The following SPOCK3 variants were observed in gnomAD, a reference collection of about 807,000 sequenced individuals.
SPOCK3 encodes testican-3.
A neutral mutation model predicts 56.6 loss-of-function variants in SPOCK3; 30 were observed. The ratio of observed to expected loss-of-function variants is 0.53; its 90% confidence interval spans 0.40 to 0.72. SPOCK3 has a LOEUF of 0.72. Ranked by LOEUF, SPOCK3 falls within the 30% of genes least tolerant of loss-of-function variation. The pLI, the probability that SPOCK3 is intolerant of heterozygous loss-of-function variation, is 0.00. For synonymous variants in SPOCK3, 196 were observed against 183.3 expected (o/e 1.07, Z -0.56); for missense variants, 527 against 530.0 (o/e 0.99, Z 0.06).
At chr4:166,788,436 C>T (rs1042469655) in intron 7 of SPOCK3, among the ~76,000 whole-genome samples, 1 of 152,004 alleles carries the variant, frequency 6.6e-6, no homozygotes, top group Admixed American at 6.6e-5. Context: ...AACACAAAAG[C>T]ATGCTTTGTA....
intron 6 of SPOCK3, among the ~76,000 whole-genome samples, chr4:166,816,293 T>C (rs1306974094): frequency 5.3e-5 from 8 of 152,100 alleles, no homozygotes; most frequent in African/African-American, 1.9e-4. Flanking sequence ...ATTTCAACTG[T>C]GTATATGTAT....
chr4:167,054,724 C>T (rs564688254), intron 3 of SPOCK3, among the ~76,000 whole-genome samples: 1 of 151,952 alleles, frequency 6.6e-6, no homozygotes, highest in Non-Finnish European at 1.5e-5. Context: ...CATAAAGAAA[C>T]TGGAAAAATG....
At chr4:166,807,639 G>T (rs1318726061) in intron 6 of SPOCK3, among the ~76,000 whole-genome samples, 1 of 152,064 alleles carries the variant, frequency 6.6e-6, no homozygotes, top group Non-Finnish European at 1.5e-5. Flanking sequence ...GATTAAACTC[G>T]TTTCTGCCAG....
At chr4:166,822,885 A>G (rs1174448657) in intron 6 of SPOCK3, among the ~76,000 whole-genome samples, 1 of 152,098 alleles carries the variant, frequency 6.6e-6, no homozygotes, top group Non-Finnish European at 1.5e-5. Context: ...TCTTTTAAAA[A>G]GTGAGAGAAG....
chr4:166,803,727 C>G (rs1408637878), intron 6 of SPOCK3, among the ~76,000 whole-genome samples: 1 of 152,080 alleles, frequency 6.6e-6, no homozygotes, highest in Non-Finnish European at 1.5e-5. Context: ...GAACATGACA[C>G]TAAAACTTAA....
At chr4:167,205,487 A>C (rs1734140626) in intron 2 of SPOCK3, among the ~76,000 whole-genome samples, 1 of 55,830 alleles carries the variant, frequency 1.8e-5, no homozygotes, top group Non-Finnish European at 3.0e-5. Context: ...TATATAATAT[A>C]TAATATATAA....
At chr4:166,889,645 T>C (rs1419958930) in intron 5 of SPOCK3, among the ~76,000 whole-genome samples, 3 of 151,992 alleles carry the variant, frequency 2.0e-5, no homozygotes, top group African/African-American at 7.2e-5. Flanking sequence ...AGTAAGCATG[T>C]CTTCTCTTAC....
At chr4:166,764,753 A>G (rs1243811298) in intron 7 of SPOCK3, among the ~76,000 whole-genome samples, 4 of 152,096 alleles carry the variant, frequency 2.6e-5, no homozygotes, top group African/African-American at 9.7e-5. Flanking sequence ...TATGTCTTTG[A>G]GGAATCACCA....
intron 2 of SPOCK3, among the ~76,000 whole-genome samples, chr4:167,096,871 A>G (rs991948740): frequency 3.3e-5 from 5 of 151,894 alleles, no homozygotes; most frequent in African/African-American, 9.7e-5. Flanking sequence ...ATCTTCAACT[A>G]TAGTAATGGA....
intron 7 of SPOCK3, among the ~76,000 whole-genome samples, chr4:166,765,437 A>G (rs1359453809): frequency 6.6e-6 from 1 of 152,204 alleles, no homozygotes; most frequent in African/African-American, 2.4e-5. Context: ...CATTTATTAA[A>G]AAGGGAATCC....
intron 6 of SPOCK3, among the ~76,000 whole-genome samples, chr4:166,823,441 C>T (rs962291105): frequency 1.3e-5 from 2 of 152,006 alleles, no homozygotes; most frequent in Non-Finnish European, 1.5e-5. Context: ...TGTGAAGTTG[C>T]TGAGATTTAG....
intron 3 of SPOCK3, among the ~76,000 whole-genome samples, chr4:167,056,606 T>C (rs1035402347): frequency 2.1e-4 from 32 of 152,210 alleles, no homozygotes; most frequent in African/African-American, 7.7e-4. Context: ...CTGATGGAGC[T>C]GAAAGCCAAG....
intron 2 of SPOCK3, among the ~76,000 whole-genome samples, chr4:167,194,368 T>A (rs184191977): frequency 6.6e-6 from 1 of 152,194 alleles, no homozygotes; most frequent in Non-Finnish European, 1.5e-5. Context: ...CTCATTGAGA[T>A]GAAAGATTCT....
intron 2 of SPOCK3, among the ~76,000 whole-genome samples, chr4:167,134,271 G>T (rs184067667): frequency 6.6e-6 from 1 of 151,748 alleles, no homozygotes; most frequent in East Asian, 1.9e-4. Context: ...GACTACAGGC[G>T]ATCTGCCTGC....
intron 5 of SPOCK3, among the ~76,000 whole-genome samples, chr4:166,895,844 G>C (rs10014713): frequency 0.085 from 12,920 of 152,104 alleles, 601 homozygotes; most frequent in Non-Finnish European, 0.1. Context: ...ATTTAGCTTT[G>C]GCACAATTAT....
chr4:167,177,205 T>C (rs539153608), intron 2 of SPOCK3, among the ~76,000 whole-genome samples: 2 of 151,844 alleles, frequency 1.3e-5, no homozygotes, highest in Non-Finnish European at 2.9e-5. Flanking sequence ...AGGGGTATGG[T>C]AGAGGATGGC....
At chr4:167,054,494 T>C (rs796342154) in intron 3 of SPOCK3, among the ~76,000 whole-genome samples, 4 of 152,320 alleles carry the variant, frequency 2.6e-5, no homozygotes, top group African/African-American at 9.6e-5. Flanking sequence ...AAAACAATTT[T>C]TCAGGTAATT....
Position 166,915,682 on chromosome 4 carries a change from G to T in SPOCK3, c.351-2939C>A, listed in dbSNP as rs1032617651. Reference sequence around the variant, plus strand: ...ACATGATTAGGGAAAGGTGTATTTGGCTCAGGCTATGAGAATGGTTGCCTG... The same window carrying T: ...ACATGATTAGGGAAAGGTGTATTTGTCTCAGGCTATGAGAATGGTTGCCTG... On this transcript the variant is annotated intron_variant, in intron 4 of 10. Transcript: ENST00000357545. Among the ~76,000 whole-genome samples the T allele has an allele frequency of 1.3e-5, 2 of 152,048 alleles. 1 individual carries two copies. The highest frequency in any genetic ancestry group is 2.9e-5 in the Non-Finnish European group (2 of 68,014).
chr4:166,804,406 C>T (rs1742937172), intron 6 of SPOCK3, among the ~76,000 whole-genome samples: 1 of 152,018 alleles, frequency 6.6e-6, no homozygotes, highest in African/African-American at 2.4e-5. Context: ...TCCTAAAGGT[C>T]CTATCACCAA....
Sources: allele counts gnomAD v4.1 joint callset (sites outside exome capture counted in the v4.1 genomes callset), GRCh38; gene constraint gnomAD v4.1.1; transcripts MANE v1.5; gene names NCBI Gene and HGNC (gene_info 2026-07-23, HGNC 2026-07-21).